The following DYNC1I1 variants were observed in gnomAD, a reference collection of about 807,000 sequenced individuals.
DYNC1I1 encodes the protein dynein cytoplasmic 1 intermediate chain 1.
In DYNC1I1, 43 loss-of-function variants were observed where a neutral mutation model predicts 86.6. The observed-to-expected ratio is 0.50, with a 90% confidence interval of 0.39 to 0.64. The LOEUF (loss-of-function observed/expected upper bound fraction) is 0.64, where lower values mean the gene tolerates loss of function less well. Ranked by LOEUF, DYNC1I1 falls within the 30% of genes least tolerant of loss-of-function variation. The probability of loss-of-function intolerance (pLI) is 0.00; values close to 1 mark genes in which losing one functional copy is unlikely to be tolerated. For synonymous variants in DYNC1I1, 262 were observed against 283.7 expected, an observed-to-expected ratio of 0.92 and a Z score of 0.77; for missense variants, 604 against 788.8, an observed-to-expected ratio of 0.77 and a Z score of 2.81.
At chr7:96,037,598 T>C (rs1040556241) in intron 13 of DYNC1I1, among the ~76,000 whole-genome samples, 1 of 151,432 alleles carries the variant, frequency 6.6e-6, no homozygotes, top group South Asian at 2.1e-4. Flanking sequence ...TCCTTGATTA[T>C]CTACGAAGGC....
intron 6 of DYNC1I1, 80 bp downstream of exon 6, chr7:95,870,078 T>A (rs1230212415): frequency 8.8e-6 from 11 of 1,249,226 alleles, no homozygotes; most frequent in Non-Finnish European, 1.1e-5. Context: ...GTTGATTTCC[T>A]CTTACCATAA....
At chr7:95,865,644 TATA>T (rs1318764721) in intron 5 of DYNC1I1, among the ~76,000 whole-genome samples, 1 of 152,208 alleles carries the variant, frequency 6.6e-6, no homozygotes, top group Admixed American at 6.5e-5. Flanking sequence ...CCTGTATGAT[TATA>T]ATACTGTATA....
rs534478230 is a variant in DYNC1I1, at chr7:95,860,356, G to T, written c.375-9527G>T. On this transcript the variant is annotated intron_variant, in intron 5 of 16. Coordinates refer to ENST00000447467, the MANE Select transcript of DYNC1I1 (RefSeq NM_001135556.2). ...AAAATAGTGTAGAAGGAAGAAAATA[G>T]CACCATTATCGCTCTCATTCTGAGG... Among the ~76,000 whole-genome samples the T allele has an allele frequency of 1.4e-4, 21 of 152,236 alleles. 1 individual carries two copies. The highest frequency in any genetic ancestry group is 3.4e-3 in the Middle Eastern group (1 of 294).
intron 1 of DYNC1I1, among the ~76,000 whole-genome samples, chr7:95,789,251 C>A: frequency 6.6e-6 from 1 of 152,090 alleles, no homozygotes; most frequent in East Asian, 1.9e-4. Context: ...TATTTGCTTT[C>A]TAAAAGGAAT....
At chr7:95,896,590 G>A (rs186227930) in intron 6 of DYNC1I1, among the ~76,000 whole-genome samples, 1 of 152,252 alleles carries the variant, frequency 6.6e-6, no homozygotes, top group Admixed American at 6.5e-5. Context: ...TTTAGAATTG[G>A]TTTCACACAC....
At chr7:96,012,729 T>C (rs751464356) in intron 10 of DYNC1I1, among the ~76,000 whole-genome samples, 14 of 152,164 alleles carry the variant, frequency 9.2e-5, no homozygotes, top group Non-Finnish European at 1.8e-4. Context: ...TTTATCATTT[T>C]CTCAAAATAT....
At chr7:95,818,629 A>T (rs1584250736) in intron 4 of DYNC1I1, 2 of 537,130 alleles carry the variant, frequency 3.7e-6, no homozygotes, top group Non-Finnish European at 6.7e-6. Flanking sequence ...TACAGGCAGG[A>T]CCCATTGTGC....
At position 96,097,665 on chromosome 7, in the gene DYNC1I1, T is replaced by C. The variant is rs1240305564; in HGVS notation, c.*72T>C. 4 of 1,588,202 alleles carry C rather than the reference T, an allele frequency of 2.5e-6. No individual in the cohort carries two copies. Among genetic ancestry groups the C allele is most frequent in the Non-Finnish European group, 8.6e-7 (1 of 1,165,858 alleles). ...GCTCAGCGTCTGCAGTCAAGTCTCTTGTATTCGGTGTCCATTCAGTATCAG... is the reference window on the plus strand; with the variant it reads ...GCTCAGCGTCTGCAGTCAAGTCTCTCGTATTCGGTGTCCATTCAGTATCAG... On this transcript the variant is annotated 3_prime_UTR_variant, in exon 17 of 17. Transcript: ENST00000447467.
Position 95,848,592 on chromosome 7 carries a change from A to G in DYNC1I1, c.374+20476A>G, listed in dbSNP as rs560527550. Among the ~76,000 whole-genome samples, 213 of 152,200 alleles carry G rather than the reference A, an allele frequency of 1.4e-3. 1 individual carries two copies. Among genetic ancestry groups the G allele is most frequent in the African/African-American group, 4.9e-3 (203 of 41,574 alleles). Reference sequence around the variant, plus strand: ...CTTTATTATGGCTGAATAGTATTCCATTGTGTAAGCCACATTTTCCTTACC... The same window carrying G: ...CTTTATTATGGCTGAATAGTATTCCGTTGTGTAAGCCACATTTTCCTTACC... On this transcript the variant is annotated intron_variant, in intron 5 of 16. Transcript: ENST00000447467.
chr7:95,869,851 C>G, intron 5 of DYNC1I1, 32 bp from the exon 6 acceptor site: 1 of 1,585,938 alleles, frequency 6.3e-7, no homozygotes, highest in Non-Finnish European at 8.6e-7. Flanking sequence ...AATGCCTCCC[C>G]TCTCTAAGCA....
intron 4 of DYNC1I1, among the ~76,000 whole-genome samples, 163 bp downstream of exon 4, chr7:95,813,500 A>G (rs1462211375): frequency 2.0e-5 from 3 of 152,142 alleles, no homozygotes; most frequent in African/African-American, 7.2e-5. Context: ...TTAGTGGAAT[A>G]GCAATGATCT....
intron 5 of DYNC1I1, among the ~76,000 whole-genome samples, chr7:95,834,605 C>T (rs1380792109): frequency 7.2e-5 from 10 of 139,284 alleles, no homozygotes; most frequent in African/African-American, 1.9e-4. Context: ...TGGTCCTGGA[C>T]TCTTTTTGGT....
intron 5 of DYNC1I1, among the ~76,000 whole-genome samples, chr7:95,860,021 C>T (rs973023395): frequency 1.3e-5 from 2 of 152,174 alleles, no homozygotes; most frequent in Non-Finnish European, 2.9e-5. Context: ...TATTATTGTG[C>T]TACAACCAGG....
chr7:96,007,337 G>A (rs1268238366), intron 10 of DYNC1I1, among the ~76,000 whole-genome samples: 1 of 152,128 alleles, frequency 6.6e-6, no homozygotes, highest in Non-Finnish European at 1.5e-5. Context: ...TATCCTGAGG[G>A]ATCCAACAGT....
chr7:96,096,886 T>G (rs1012119311), intron 16 of DYNC1I1, among the ~76,000 whole-genome samples: 1 of 152,154 alleles, frequency 6.6e-6, no homozygotes, highest in African/African-American at 2.4e-5. Flanking sequence ...AATGAGTTAA[T>G]GCATGTAATG....
chr7:95,975,042 T>G lies in DYNC1I1; in HGVS notation c.491-2470T>G, dbSNP rs375896722. Among the ~76,000 whole-genome samples, 38 of 152,318 alleles carry G rather than the reference T, an allele frequency of 2.5e-4. No individual in the cohort carries two copies. In the East Asian group the frequency reaches 5.4e-3, roughly 22 times the overall value. ...GCCAGACAGAACTTGAAGCGGGATG[T>G]GGTTGCAGTTCCTTCGGGGGAAATT... is the stretch of plus-strand genomic sequence containing the variant. On this transcript the variant is annotated intron_variant, in intron 6 of 16. Coordinates refer to ENST00000447467, the MANE Select transcript of DYNC1I1 (RefSeq NM_001135556.2).
At chr7:96,050,504 G>A (rs560857510) in intron 14 of DYNC1I1, among the ~76,000 whole-genome samples, 5 of 152,274 alleles carry the variant, frequency 3.3e-5, no homozygotes, top group African/African-American at 1.2e-4. Context: ...ATTTTATAGG[G>A]TTTTATTTAA....
rs1033199080 is a variant in DYNC1I1 at position 95,984,746 on chromosome 7, C to G, written c.581-69C>G. 8 of 1,480,122 alleles carry G rather than the reference C, an allele frequency of 5.4e-6. No individual in the cohort carries two copies. In the African/African-American group the frequency reaches 1.0e-4, roughly 19 times the overall value. 91.7% of individuals were successfully genotyped at this position (1,480,122 alleles called of 1,614,324 possible). The stretch of plus-strand genomic sequence containing the variant: ...AGTCTCTCTCAAGAATTGGGTTCCT[C>G]TTGATAAGTTTTAATTGTCACTTTT... On this transcript the variant is annotated intron_variant, in intron 7 of 16. Coordinates refer to ENST00000447467, the MANE Select transcript of DYNC1I1 (RefSeq NM_001135556.2).
intron 10 of DYNC1I1, among the ~76,000 whole-genome samples, chr7:96,024,213 C>G (rs982223632): frequency 6.6e-6 from 1 of 152,136 alleles, no homozygotes. Context: ...AAGATCCTCA[C>G]CAACTTTATA....
Sources: allele counts gnomAD v4.1 joint callset (sites outside exome capture counted in the v4.1 genomes callset), GRCh38; gene constraint gnomAD v4.1.1; transcripts MANE v1.5; gene names NCBI Gene and HGNC (gene_info 2026-07-23, HGNC 2026-07-21).